Variants in EXO1 observed in about 807,000 individuals in gnomAD.
The protein encoded by EXO1 is exonuclease 1.
A neutral mutation model predicts 84.5 loss-of-function variants in EXO1; 69 were observed. The ratio of observed to expected loss-of-function variants is 0.82; its 90% CI spans 0.67 to 1.00. The LOEUF is 1.00. Ranked by LOEUF, EXO1 falls within the 50% of genes least tolerant of loss-of-function variation. EXO1 has a pLI of 0.00. For synonymous variants in EXO1, 373 were observed against 366.1 expected, an observed-to-expected ratio of 1.02 and a Z score of -0.21; for missense variants, 1,045 against 1,000.7, an observed-to-expected ratio of 1.04 and a Z score of -0.60.
rs1471378440 is a variant in EXO1, at chr1:241,866,860, G to A, written c.1072G>A (p.Asp358Asn). ...CCATTCAAGAAGTCATAGTTGGGATGACAAAACATGTCAAAAGTCAGCTAA... is the reference window on the plus strand; with the variant it reads ...CCATTCAAGAAGTCATAGTTGGGATAACAAAACATGTCAAAAGTCAGCTAA... The part of the protein sequence containing the change: ...PAHSRSHSWD[D>N]KTCQKSANVS... The change falls in exon 11 of 16, where the codon GAC becomes AAC. Residue 358 changes from aspartate (D) to asparagine (N), a missense_variant. Transcript: ENST00000366548. The A allele has an allele frequency of 3.7e-6, 6 of 1,613,844 alleles. No homozygotes were observed. Among genetic ancestry groups the A allele is most frequent in the South Asian group, 1.1e-5 (1 of 91,064 alleles).
In EXO1 at chr1:241,885,439, T is replaced by A. The variant is rs1300580740; in HGVS notation, c.2337T>A (p.His779Gln). Residue 779 changes from histidine (H) to glutamine (Q), a missense_variant, in exon 15 of 16, where the codon CAT becomes CAA. His to Gln is a conservative substitution (Grantham distance 24). Coordinates refer to ENST00000366548, the MANE Select transcript of EXO1 (RefSeq NM_130398.4). ...KPASIQKRKH[H>Q]NAENKPGLQI... is the part of the protein sequence containing the mutation. Reference sequence around the variant, plus strand: ...CAAGCATCCAGAAGAGAAAGCATCATAATGCCGAGAACAAGCCGGGGTTAC... The same window carrying A: ...CAAGCATCCAGAAGAGAAAGCATCAAAATGCCGAGAACAAGCCGGGGTTAC... 1.2e-6 allele frequency: 2 copies of A among 1,613,766 alleles called. No homozygotes were observed. Among genetic ancestry groups the A allele is most frequent in the Admixed American group, 3.3e-5 (2 of 59,980 alleles).
Position 241,889,548 on chromosome 1 carries a change from A to G in EXO1, c.2489A>G (p.Asp830Gly). ...NIQLTPEAEE[D>G]IFNKPECGRV... The stretch of plus-strand genomic sequence containing the variant: ...CAACTAACTCCAGAAGCGGAAGAGG[A>G]TATATTTAACAAACCTGAATGTGGC... Residue 830 changes from aspartate to glycine, a missense_variant, in exon 16 of 16, where the codon GAT becomes GGT. By Grantham distance (94) the Asp-to-Gly change is moderately conservative. Coordinates refer to ENST00000366548, the MANE Select transcript of EXO1 (RefSeq NM_130398.4). The G allele has an allele frequency of 1.2e-6, 2 of 1,613,958 alleles. No individual in the cohort carries two copies. Among genetic ancestry groups the G allele is most frequent in the Non-Finnish European group, 1.7e-6 (2 of 1,179,842 alleles).
intron 3 of EXO1, among the ~76,000 whole-genome samples, 152 bp from the exon 4 acceptor site, chr1:241,850,257 G>C (rs1317741170): frequency 6.7e-6 from 1 of 149,462 alleles, no homozygotes; most frequent in Non-Finnish European, 1.5e-5. Context: ...TCCCTCCTGG[G>C]CGAAAGAGCG....
intron 10 of EXO1, among the ~76,000 whole-genome samples, chr1:241,864,036 C>T (rs1474466438): frequency 1.3e-5 from 2 of 152,010 alleles, no homozygotes; most frequent in Admixed American, 6.6e-5. Context: ...CGTTTTCTTC[C>T]GCTCTCTGTA....
Position 241,878,841 on chromosome 1 carries a change from A to G in EXO1, c.1607A>G (p.Asn536Ser). The change falls in exon 13 of 16, where the codon AAT becomes AGT. Residue 536 changes from asparagine (N) to serine (S), a missense_variant. Asn to Ser is a conservative substitution (Grantham distance 46). Coordinates refer to ENST00000366548, the MANE Select transcript of EXO1 (RefSeq NM_130398.4). ...ACTGCTGTCACAGATAAAGAGAACAATCTGCATGAATCAGAGTATGGAGAC... is the reference window on the plus strand; with the variant it reads ...ACTGCTGTCACAGATAAAGAGAACAGTCTGCATGAATCAGAGTATGGAGAC... The part of the protein sequence containing the change: ...DETAVTDKEN[N>S]LHESEYGDQE... The G allele has an allele frequency of 6.2e-7, 1 of 1,614,098 alleles. No individual in the cohort carries two copies. Among genetic ancestry groups the G allele is most frequent in the Non-Finnish European group, 8.5e-7 (1 of 1,179,974 alleles).
intron 13 of EXO1, among the ~76,000 whole-genome samples, 178 bp from the exon 14 acceptor site, chr1:241,881,738 T>G (rs1415464717): frequency 2.6e-5 from 4 of 152,180 alleles, no homozygotes; most frequent in African/African-American, 9.7e-5. Context: ...CTGAAACATC[T>G]TGTTAGCTTC....
chr1:241,859,919 G>A (rs1400365709), intron 8 of EXO1, among the ~76,000 whole-genome samples: 1 of 152,164 alleles, frequency 6.6e-6, no homozygotes, highest in Non-Finnish European at 1.5e-5. Flanking sequence ...TCAGGACTAA[G>A]AGTGATGTCA....
intron 6 of EXO1, among the ~76,000 whole-genome samples, chr1:241,856,320 A>G (rs1164562525): frequency 2.8e-5 from 4 of 145,048 alleles, no homozygotes; most frequent in Admixed American, 7.0e-5. Flanking sequence ...CCATTTTCCC[A>G]TAGTTTAGAA....
chr1:241,857,584 TATTTATAAA>T (rs1389351258), intron 7 of EXO1, 102 bp downstream of exon 7: 2 of 455,674 alleles, frequency 4.4e-6, no homozygotes, highest in Non-Finnish European at 6.9e-6. Flanking sequence ...TAATTTATAA[TATTTATAAA>T]ATTTATAATA....
intron 10 of EXO1, among the ~76,000 whole-genome samples, chr1:241,863,030 G>A (rs972404224): frequency 3.3e-5 from 5 of 152,222 alleles, no homozygotes; most frequent in South Asian, 2.1e-4. Flanking sequence ...AAAGAAATGC[G>A]GTAAGTGCTA....
chr1:241,878,257 G>A (rs979018629), intron 12 of EXO1, among the ~76,000 whole-genome samples: 4 of 152,200 alleles, frequency 2.6e-5, no homozygotes, highest in Admixed American at 2.6e-4. Context: ...CCAACACTTT[G>A]TGAGGCCAAG....
chr1:241,875,621 T>G (rs188666096), intron 12 of EXO1, among the ~76,000 whole-genome samples: 28 of 152,264 alleles, frequency 1.8e-4, no homozygotes, highest in Middle Eastern at 3.4e-3. Flanking sequence ...GTTCATGCCT[T>G]TAATCCCAGC....
chr1:241,853,517 G>C, intron 6 of EXO1, 36 bp downstream of exon 6: 1 of 1,612,678 alleles, frequency 6.2e-7, no homozygotes, highest in Non-Finnish European at 8.5e-7. Flanking sequence ...GTTCACCAAA[G>C]CTAGTTACAA....
At chr1:241,876,034 A>G (rs1270557906) in intron 12 of EXO1, among the ~76,000 whole-genome samples, 1 of 152,176 alleles carries the variant, frequency 6.6e-6, no homozygotes, top group South Asian at 2.1e-4. Flanking sequence ...GAGACAACAA[A>G]TGAGAATGTT....
intron 12 of EXO1, among the ~76,000 whole-genome samples, chr1:241,878,377 A>G (rs901490665): frequency 5.3e-5 from 8 of 152,100 alleles, no homozygotes; most frequent in Middle Eastern, 3.4e-3. Flanking sequence ...CATGCCTGTA[A>G]TCCCACCTAC....
At chr1:241,871,506 C>G (rs757942052) in intron 11 of EXO1, among the ~76,000 whole-genome samples, 11 of 152,174 alleles carry the variant, frequency 7.2e-5, no homozygotes, top group Admixed American at 2.0e-4. Context: ...TGACACACAG[C>G]AATCTTCTTG....
rs1662156081 is a variant in EXO1 at position 241,872,285 on chromosome 1, T to G, written c.1514+7T>G. The G allele has an allele frequency of 6.2e-7, 1 of 1,613,604 alleles. No individual in the cohort carries two copies. The highest frequency in any genetic ancestry group is 8.5e-7 in the Non-Finnish European group (1 of 1,179,552). On this transcript the variant is annotated splice_region_variant and intron_variant, in intron 12 of 15. Coordinates refer to ENST00000366548, the MANE Select transcript of EXO1 (RefSeq NM_130398.4). ...TTCCAGGGACCAGAAGCAGGTATAGTTATGTCTCCAGAATGTTGATTGTCT... is the reference window on the plus strand; with the variant it reads ...TTCCAGGGACCAGAAGCAGGTATAGGTATGTCTCCAGAATGTTGATTGTCT...
At chr1:241,874,114 G>A (rs1299340166) in intron 12 of EXO1, among the ~76,000 whole-genome samples, 1 of 152,112 alleles carries the variant, frequency 6.6e-6, no homozygotes, top group East Asian at 1.9e-4. Context: ...AACATTGAGA[G>A]GGTCGCCGGG....
chr1:241,855,672 C>T (rs1278731058), intron 6 of EXO1, among the ~76,000 whole-genome samples: 1 of 152,192 alleles, frequency 6.6e-6, no homozygotes, highest in African/African-American at 2.4e-5. Context: ...CAGGAGCCCA[C>T]GGAGGGGGTG....
Sources: allele counts gnomAD v4.1 joint callset (sites outside exome capture counted in the v4.1 genomes callset), GRCh38; gene constraint gnomAD v4.1.1; transcripts MANE v1.5; gene names NCBI Gene and HGNC (gene_info 2026-07-23, HGNC 2026-07-21).